The following CSMD1 variants were observed in gnomAD, a reference collection of about 807,000 sequenced individuals.
CSMD1 encodes CUB and Sushi multiple domains 1.
A neutral mutation model predicts 417.5 loss-of-function variants in CSMD1; 213 were observed. That is an observed-to-expected ratio of 0.51 (90% confidence interval 0.46 to 0.57). CSMD1 has a LOEUF of 0.57. Among genes scored for constraint, CSMD1 ranks in the 20% least tolerant of loss-of-function variants. CSMD1 has a pLI of 0.00. For synonymous variants in CSMD1, 2,862 were observed against 1,736.8 expected (o/e 1.65, Z -16.11); for missense variants, 6,923 against 4,529.7 (o/e 1.53, Z -15.17).
intron 3 of CSMD1, among the ~76,000 whole-genome samples, chr8:4,189,446 A>T (rs963593027): frequency 6.6e-6 from 1 of 152,220 alleles, no homozygotes; most frequent in African/African-American, 2.4e-5. Flanking sequence ...TAGTCCAGCA[A>T]AGTATGTTTG....
At chr8:3,152,805 C>T (rs73183553) in intron 39 of CSMD1, among the ~76,000 whole-genome samples, 5,321 of 152,320 alleles carry the variant, frequency 0.035, 116 homozygotes, top group Non-Finnish European at 0.052. Flanking sequence ...GCCAGGCTCC[C>T]ATGTGCACTT....
At chr8:4,153,467 G>C (rs1216684408) in intron 3 of CSMD1, among the ~76,000 whole-genome samples, 1 of 152,200 alleles carries the variant, frequency 6.6e-6, no homozygotes, top group Non-Finnish European at 1.5e-5. Flanking sequence ...ATAAGGTTCT[G>C]CAGCTCTGCT....
chr8:4,325,640 C>G (rs921287234), intron 3 of CSMD1, among the ~76,000 whole-genome samples: 1 of 152,062 alleles, frequency 6.6e-6, no homozygotes, highest in Non-Finnish European at 1.5e-5. Context: ...TCCCAAACTA[C>G]CCAAATTACA....
intron 3 of CSMD1, among the ~76,000 whole-genome samples, chr8:4,305,366 G>A (rs867008327): frequency 1.3e-5 from 2 of 152,134 alleles, no homozygotes; most frequent in Non-Finnish European, 2.9e-5. Flanking sequence ...AATCTAAGGG[G>A]CTTGCAGGGA....
intron 3 of CSMD1, among the ~76,000 whole-genome samples, chr8:4,070,715 T>A (rs755021183): frequency 6.6e-6 from 1 of 152,134 alleles, no homozygotes; most frequent in Admixed American, 6.5e-5. Flanking sequence ...ACAGGTTGTT[T>A]CCATGAAGCC....
chr8:3,870,929 T>C (rs1359441498), intron 5 of CSMD1, among the ~76,000 whole-genome samples: 1 of 152,100 alleles, frequency 6.6e-6, no homozygotes, highest in Non-Finnish European at 1.5e-5. Context: ...TACATAGCTT[T>C]TTATGTATTC....
chr8:4,340,707 A>T (rs1204373648), intron 3 of CSMD1, among the ~76,000 whole-genome samples: 1 of 152,114 alleles, frequency 6.6e-6, no homozygotes, highest in South Asian at 2.1e-4. Context: ...CATTTTAAAC[A>T]AAATATCAGC....
At chr8:3,868,657 C>T (rs1805272158) in intron 5 of CSMD1, among the ~76,000 whole-genome samples, 2 of 152,200 alleles carry the variant, frequency 1.3e-5, no homozygotes, top group African/African-American at 2.4e-5. Flanking sequence ...TCCTCAAACT[C>T]ATACCTCTGC....
chr8:3,677,940 G>T (rs1159894757), intron 7 of CSMD1, among the ~76,000 whole-genome samples: 2 of 152,138 alleles, frequency 1.3e-5, no homozygotes, highest in African/African-American at 2.4e-5. Context: ...AAATAAGACA[G>T]GAATGCACTT....
Position 3,190,170 on chromosome 8 carries a change from G to A in CSMD1, c.5195-55C>T, listed in dbSNP as rs900605740. 12 of 1,436,152 alleles carry A rather than the reference G, an allele frequency of 8.4e-6. No homozygotes were observed. The African/African-American group carries it at 9.9e-5, about 12-fold the overall frequency. The allele number at this position is 1,436,152 out of a possible 1,614,324, so 89.0% of individuals were successfully genotyped here. On this transcript the variant is annotated intron_variant, in intron 33 of 69. Coordinates refer to ENST00000635120, the MANE Select transcript of CSMD1 (RefSeq NM_033225.6). The stretch of plus-strand genomic sequence containing the variant: ...TGTATCTCCATCAGCAAGCCAGGAC[G>A]TTGCGTGGAACGTGGGTTTAAGATG...
At chr8:3,755,261 G>C (rs1289308980) in intron 5 of CSMD1, among the ~76,000 whole-genome samples, 1 of 152,140 alleles carries the variant, frequency 6.6e-6, no homozygotes, top group East Asian at 1.9e-4. Context: ...AGCAACATAG[G>C]TGGATCATGT....
At chr8:4,744,805 G>C (rs542870887) in intron 1 of CSMD1, among the ~76,000 whole-genome samples, 1 of 152,052 alleles carries the variant, frequency 6.6e-6, no homozygotes, top group African/African-American at 2.4e-5. Context: ...CTTCCAAGGA[G>C]TAAAAAACAT....
intron 5 of CSMD1, among the ~76,000 whole-genome samples, chr8:3,948,594 A>G (rs1469464103): frequency 6.6e-6 from 1 of 152,112 alleles, no homozygotes; most frequent in East Asian, 1.9e-4. Context: ...TAAACGATGA[A>G]CGTGTTTTAA....
chr8:4,410,062 C>A (rs1186233209), intron 3 of CSMD1, among the ~76,000 whole-genome samples: 1 of 152,116 alleles, frequency 6.6e-6, no homozygotes, highest in Non-Finnish European at 1.5e-5. Flanking sequence ...TCCACACCTG[C>A]CGTGGCCTCC....
At chr8:4,559,333 G>C (rs1798227552) in intron 2 of CSMD1, among the ~76,000 whole-genome samples, 2 of 152,070 alleles carry the variant, frequency 1.3e-5, no homozygotes, top group African/African-American at 2.4e-5. Context: ...TTAATTTTCA[G>C]TTTTCTGTTT....
At chr8:3,862,802 C>A (rs1354320768) in intron 5 of CSMD1, among the ~76,000 whole-genome samples, 5 of 152,210 alleles carry the variant, frequency 3.3e-5, no homozygotes, top group Admixed American at 1.3e-4. Flanking sequence ...CCTATCACAA[C>A]AGCATTGCCT....
chr8:3,943,621 C>A (rs955915155), intron 5 of CSMD1, among the ~76,000 whole-genome samples: 1 of 151,856 alleles, frequency 6.6e-6, no homozygotes, highest in Non-Finnish European at 1.5e-5. Flanking sequence ...CCCATGTAAC[C>A]AAGAGATCAA....
rs552884039 is a variant in CSMD1 at position 4,842,028 on chromosome 8, G to A, written c.85+152304C>T. Among the ~76,000 whole-genome samples the A allele has an allele frequency of 5.0e-4, 76 of 151,968 alleles. 1 individual carries two copies. The South Asian group carries it at 8.7e-3, about 17-fold the overall frequency. On this transcript the variant is annotated intron_variant, in intron 1 of 69. Transcript: ENST00000635120. ...CCCTAGAAAAAAGCAATTTTTCAAG[G>A]GAGCTGAGAGAGATGCTTTTCAATC...
intron 3 of CSMD1, among the ~76,000 whole-genome samples, chr8:4,075,450 T>A: frequency 6.6e-6 from 1 of 152,282 alleles, no homozygotes; most frequent in Admixed American, 6.5e-5. Flanking sequence ...CTAATGTAAA[T>A]GTTTTCTGTC....
Sources: gnomAD v4.1 joint callset for allele counts (sites outside exome capture counted in the v4.1 genomes callset) on GRCh38, gnomAD v4.1.1 for gene constraint, MANE v1.5 for transcripts, NCBI Gene and HGNC (gene_info 2026-07-23, HGNC 2026-07-21) for gene names.